Variants in ABCA13 observed in about 807,000 individuals in gnomAD.
ABCA13 encodes ATP-binding cassette sub-family A member 13.
In ABCA13, 476 loss-of-function variants were observed where a neutral mutation model predicts 478.7. The observed-to-expected ratio is 0.99, with a 90% CI of 0.92 to 1.07. The LOEUF (loss-of-function observed/expected upper bound fraction) is 1.07. Ranked by LOEUF, ABCA13 falls within the 50% of genes least tolerant of loss-of-function variation. The probability of loss-of-function intolerance (pLI) is 0.00; values close to 1 mark genes in which losing one functional copy is unlikely to be tolerated. For missense variants in ABCA13, 6,060 were observed against 5,910.6 expected (o/e 1.03, Z -0.83); for synonymous variants, 2,252 against 2,158.9 (o/e 1.04, Z -1.20).
intron 13 of ABCA13, among the ~76,000 whole-genome samples, chr7:48,246,614 T>C (rs901028592): frequency 6.6e-6 from 1 of 151,988 alleles, no homozygotes; most frequent in African/African-American, 2.4e-5. Flanking sequence ...TTTTTTTATA[T>C]CCTTATATAC....
At chr7:48,227,186 T>A (rs1035369045) in intron 5 of ABCA13, 76 bp from the exon 6 acceptor site, 5 of 1,527,904 alleles carry the variant, frequency 3.3e-6, no homozygotes, top group Non-Finnish European at 3.6e-6. Context: ...TGCACCTTTG[T>A]AGCATCTGTC....
At chr7:48,568,146 T>G (rs1272608658) in intron 55 of ABCA13, among the ~76,000 whole-genome samples, 1 of 152,132 alleles carries the variant, frequency 6.6e-6, no homozygotes, top group Non-Finnish European at 1.5e-5. Flanking sequence ...TTTCATTACT[T>G]TGAAAAGAAA....
intron 59 of ABCA13, among the ~76,000 whole-genome samples, chr7:48,629,240 A>T: frequency 6.6e-6 from 1 of 152,212 alleles, no homozygotes; most frequent in South Asian, 2.1e-4. Flanking sequence ...ATTAATGTGC[A>T]TTGCAGACAG....
intron 10 of ABCA13, among the ~76,000 whole-genome samples, chr7:48,243,265 A>G (rs1175298211): frequency 6.6e-6 from 1 of 152,246 alleles, no homozygotes; most frequent in Non-Finnish European, 1.5e-5. Flanking sequence ...TCCAGGTTCC[A>G]AGCCACACAG....
intron 42 of ABCA13, among the ~76,000 whole-genome samples, chr7:48,441,574 A>G (rs921191963): frequency 5.3e-5 from 8 of 152,232 alleles, no homozygotes; most frequent in Non-Finnish European, 8.8e-5. Context: ...GAAATGAGTT[A>G]TGAAGACCGA....
At chr7:48,268,850 CTTTTTT>C (rs57201740) in intron 15 of ABCA13, 124 bp from the exon 16 acceptor site, 157 of 245,546 alleles carry the variant, frequency 6.4e-4, no homozygotes, top group African/African-American at 4.1e-3. Context: ...TCCTACTCAT[CTTTTTT>C]TTTTTTTTTT....
chr7:48,503,983 A>T (rs903118018), intron 48 of ABCA13, among the ~76,000 whole-genome samples: 5 of 152,240 alleles, frequency 3.3e-5, no homozygotes, highest in African/African-American at 1.2e-4. Context: ...AGTACACCTT[A>T]AATGTTTGCA....
At chr7:48,360,568 T>C (rs1003098827) in intron 31 of ABCA13, among the ~76,000 whole-genome samples, 4 of 152,022 alleles carry the variant, frequency 2.6e-5, no homozygotes, top group Non-Finnish European at 1.5e-5. Flanking sequence ...AAACAAGTGA[T>C]ATTCAAGAGT....
chr7:48,172,494 T>C (rs1416881130), intron 1 of ABCA13, among the ~76,000 whole-genome samples: 2 of 152,104 alleles, frequency 1.3e-5, no homozygotes, highest in African/African-American at 4.8e-5. Context: ...AGTTGAAAGT[T>C]TGTACAAAAG....
At chr7:48,476,953 ATGT>A (rs1333024658) in intron 45 of ABCA13, among the ~76,000 whole-genome samples, 2 of 152,166 alleles carry the variant, frequency 1.3e-5, no homozygotes, top group Admixed American at 6.5e-5. Flanking sequence ...ACATTTTAAA[ATGT>A]TGTTTGAGGC....
chr7:48,370,095 G>A (rs1585044223), intron 32 of ABCA13, among the ~76,000 whole-genome samples: 1 of 152,220 alleles, frequency 6.6e-6, no homozygotes, highest in East Asian at 1.9e-4. Flanking sequence ...TCCTTGTAGA[G>A]GTGGTTCACC....
chr7:48,320,287 G>C (rs1309730562), intron 27 of ABCA13, among the ~76,000 whole-genome samples: 1 of 152,162 alleles, frequency 6.6e-6, no homozygotes, highest in Admixed American at 6.5e-5. Flanking sequence ...AAAGTCAAAA[G>C]TCCCTAGTTG....
intron 48 of ABCA13, among the ~76,000 whole-genome samples, chr7:48,501,561 A>T (rs1585613399): frequency 6.6e-6 from 1 of 152,286 alleles, no homozygotes; most frequent in South Asian, 2.1e-4. Context: ...TGAGTAAGGG[A>T]CCTAGGAAGA....
chr7:48,187,352 A>G (rs1450556075), intron 1 of ABCA13, among the ~76,000 whole-genome samples: 1 of 149,978 alleles, frequency 6.7e-6, no homozygotes, highest in African/African-American at 2.5e-5. Flanking sequence ...TAATGGCCGT[A>G]GTTTAACTAC....
intron 39 of ABCA13, among the ~76,000 whole-genome samples, chr7:48,405,954 T>G (rs1818208449): frequency 6.6e-6 from 1 of 152,034 alleles, no homozygotes. Context: ...GGAAGAAAAA[T>G]GTGTTTTCAA....
intron 4 of ABCA13, among the ~76,000 whole-genome samples, chr7:48,220,230 CT>C (rs1180357195): frequency 1.3e-5 from 2 of 152,138 alleles, no homozygotes; most frequent in Non-Finnish European, 2.9e-5. Context: ...CCAGTTGCCT[CT>C]CTTCACATCC....
At chr7:48,386,369 A>G (rs1252592497) in intron 35 of ABCA13, among the ~76,000 whole-genome samples, 1 of 152,262 alleles carries the variant, frequency 6.6e-6, no homozygotes, top group African/African-American at 2.4e-5. Context: ...TATTCTTCAC[A>G]GAACTAGAAA....
intron 15 of ABCA13, among the ~76,000 whole-genome samples, chr7:48,255,670 T>G (rs1431575311): frequency 1.3e-5 from 2 of 152,156 alleles, no homozygotes; most frequent in Non-Finnish European, 2.9e-5. Context: ...TAGTGTTTCA[T>G]GGGAGTATAT....
chr7:48,645,828 G>T lies in ABCA13; in HGVS notation c.*316G>T. 3.4e-6 allele frequency: 1 copy of T among 298,468 alleles called. No homozygotes were observed. The highest frequency in any genetic ancestry group is 6.3e-6 in the Non-Finnish European group (1 of 159,120). The allele number at this position is 298,468 out of a possible 1,614,324, so 18.5% of individuals were successfully genotyped here. ...TCCAAACTGAGACATTCTGGAGCTG[G>T]AAAGCCTGTCACACTAGAGTGTGTG... On this transcript the variant is annotated 3_prime_UTR_variant, in exon 62 of 62. Coordinates refer to ENST00000435803, the MANE Select transcript of ABCA13 (RefSeq NM_152701.5).
Sources: gnomAD v4.1 joint callset for allele counts (sites outside exome capture counted in the v4.1 genomes callset) on GRCh38, gnomAD v4.1.1 for gene constraint, MANE v1.5 for transcripts, NCBI Gene and HGNC (gene_info 2026-07-23, HGNC 2026-07-21) for gene names.